The following AIMP1 variants were observed in gnomAD, a reference collection of about 807,000 sequenced individuals.
AIMP1 encodes the protein aminoacyl tRNA synthase complex-interacting multifunctional protein 1.
In AIMP1, 24 loss-of-function variants were observed where a neutral mutation model predicts 33.1. The ratio of observed to expected loss-of-function variants is 0.73; its 90% confidence interval spans 0.53 to 1.02. The LOEUF is 1.02. Ranked by LOEUF, AIMP1 falls within the 50% of genes least tolerant of loss-of-function variation. The probability of loss-of-function intolerance (pLI) is 0.00; values close to 1 mark genes in which losing one functional copy is unlikely to be tolerated. For synonymous variants in AIMP1, 120 were observed against 121.5 expected (o/e 0.99, Z 0.08); for missense variants, 367 against 364.8 (o/e 1.01, Z -0.05).
chr4:106,336,099 G>T (rs1769867280), intron 5 of AIMP1, among the ~76,000 whole-genome samples: 1 of 132,538 alleles, frequency 7.5e-6, no homozygotes, highest in African/African-American at 2.9e-5. Context: ...GAGTTCAGTG[G>T]CATAATCAAG....
chr4:106,345,218 C>T (rs1026618212), intron 6 of AIMP1, among the ~76,000 whole-genome samples: 1 of 152,208 alleles, frequency 6.6e-6, no homozygotes, highest in Non-Finnish European at 1.5e-5. Context: ...AATTTACCCA[C>T]ACAATCTATA....
Position 106,331,752 on chromosome 4 carries a change from C to T in AIMP1, c.472C>T (p.Arg158Ter), listed in dbSNP as rs755959621. The T allele has an allele frequency of 3.7e-6, 6 of 1,613,958 alleles. No homozygotes were observed. The South Asian group carries it at 5.5e-5, about 15-fold the overall frequency. The change falls in exon 5 of 7, where the codon CGA becomes TGA. Residue 158 changes from arginine to a stop codon, truncating the protein, a stop_gained. Coordinates refer to ENST00000672341, the MANE Select transcript of AIMP1 (RefSeq NM_001142416.2). LOFTEE classifies it high-confidence loss of function. ...KPIDVSRLDLRIGCIITARKH... is the reference protein window; with the variant it reads ...KPIDVSRLDL ...AATAGATGTTTCCCGTCTGGATCTT[C>T]GAATTGGTTGCATCATAACTGCTAG...
chr4:106,336,624 A>G (rs1415019453), intron 5 of AIMP1, among the ~76,000 whole-genome samples: 1 of 152,150 alleles, frequency 6.6e-6, no homozygotes, highest in Non-Finnish European at 1.5e-5. Context: ...TCATTGAGTA[A>G]ATTTTTAACT....
intron 6 of AIMP1, among the ~76,000 whole-genome samples, chr4:106,343,859 T>C (rs1183622181): frequency 1.3e-5 from 2 of 152,212 alleles, no homozygotes; most frequent in Non-Finnish European, 2.9e-5. Context: ...TTTCTATTGA[T>C]ATCGAGTCGT....
chr4:106,346,080 A>G (rs1181701654), intron 6 of AIMP1, among the ~76,000 whole-genome samples: 1 of 151,800 alleles, frequency 6.6e-6, no homozygotes, highest in Non-Finnish European at 1.5e-5. Context: ...TCGAAGTTCT[A>G]CAGCTTAAGA....
chr4:106,322,743 G>A (rs527594558), intron 1 of AIMP1, among the ~76,000 whole-genome samples: 1 of 152,104 alleles, frequency 6.6e-6, no homozygotes, highest in Non-Finnish European at 1.5e-5. Flanking sequence ...CCAGCACCTT[G>A]GGAAGCCGAG....
intron 5 of AIMP1, among the ~76,000 whole-genome samples, chr4:106,334,830 T>C (rs747426854): frequency 1.3e-5 from 2 of 152,142 alleles, no homozygotes; most frequent in Non-Finnish European, 2.9e-5. Context: ...TTTATCTGGC[T>C]GAAGAGCATT....
chr4:106,316,440 A>G, upstream of AIMP1: 1 of 1,114,118 alleles, frequency 9.0e-7, no homozygotes, highest in Non-Finnish European at 1.3e-6. Flanking sequence ...GAGCACAGGA[A>G]GAGGAAGAAA....
At position 106,347,956 on chromosome 4, in the gene AIMP1, G is replaced by T. The variant is rs1473006168; in HGVS notation, c.*264G>T. ...TTTTTAGCAGGAATATTGATTAGCA[G>T]CTTTTTTTTCTTTATACACATAGAT... On this transcript the variant is annotated 3_prime_UTR_variant, in exon 7 of 7. Transcript: ENST00000672341. 2 of 292,126 alleles carry T rather than the reference G, an allele frequency of 6.8e-6. No homozygotes were observed. Among genetic ancestry groups the T allele is most frequent in the Non-Finnish European group, 1.3e-5 (2 of 155,014 alleles). 18.1% of individuals were successfully genotyped at this position (292,126 alleles called of 1,614,324 possible).
chr4:106,334,389 C>T (rs910057895), intron 5 of AIMP1, among the ~76,000 whole-genome samples: 3 of 151,382 alleles, frequency 2.0e-5, no homozygotes, highest in Admixed American at 6.6e-5. Context: ...CTCAGCCTGC[C>T]GAGTAGCCAG....
At chr4:106,335,671 G>A (rs910243183) in intron 5 of AIMP1, among the ~76,000 whole-genome samples, 2 of 152,028 alleles carry the variant, frequency 1.3e-5, no homozygotes, top group African/African-American at 4.8e-5. Flanking sequence ...TGAAGCATTC[G>A]AAGAGAAATA....
chr4:106,319,628 A>G (rs974163828), intron 1 of AIMP1, among the ~76,000 whole-genome samples: 3 of 152,178 alleles, frequency 2.0e-5, no homozygotes, highest in Admixed American at 6.5e-5. Context: ...CACAATTAAC[A>G]TACTTGGTCT....
At chr4:106,325,390 T>G (rs1425818735) in intron 2 of AIMP1, among the ~76,000 whole-genome samples, 2 of 151,988 alleles carry the variant, frequency 1.3e-5, no homozygotes, top group East Asian at 3.8e-4. Context: ...TTTCCTACGT[T>G]TTGTAAGCTA....
chr4:106,320,099 A>G (rs537970877), intron 1 of AIMP1, among the ~76,000 whole-genome samples: 59 of 152,330 alleles, frequency 3.9e-4, no homozygotes, highest in African/African-American at 1.3e-3. Context: ...ATTATCATCT[A>G]TGAGAAACTT....
At chr4:106,327,162 G>T (rs1183813309) in intron 2 of AIMP1, among the ~76,000 whole-genome samples, 1 of 152,140 alleles carries the variant, frequency 6.6e-6, no homozygotes, top group African/African-American at 2.4e-5. Flanking sequence ...TGAAAAGGTG[G>T]TAATTTGATC....
upstream of AIMP1, chr4:106,316,526 G>C (rs1768899118): frequency 6.4e-7 from 1 of 1,551,580 alleles, no homozygotes; most frequent in Non-Finnish European, 8.7e-7. Flanking sequence ...CACTGCTATA[G>C]TACGCGGGTG....
chr4:106,337,227 C>A (rs1450531182), intron 6 of AIMP1, among the ~76,000 whole-genome samples, 190 bp downstream of exon 6: 2 of 152,132 alleles, frequency 1.3e-5, no homozygotes, highest in African/African-American at 4.8e-5. Context: ...TAATCATTCT[C>A]CTCCCCATGA....
At chr4:106,324,377 T>C (rs1366859455) in intron 1 of AIMP1, among the ~76,000 whole-genome samples, 3 of 152,126 alleles carry the variant, frequency 2.0e-5, no homozygotes, top group Admixed American at 2.0e-4. Context: ...TTCTGTACCT[T>C]GATAGTATTT....
At chr4:106,319,141 T>G (rs1485838110) in intron 1 of AIMP1, among the ~76,000 whole-genome samples, 4 of 152,206 alleles carry the variant, frequency 2.6e-5, no homozygotes, top group South Asian at 4.1e-4. Context: ...CGTTCCTATA[T>G]AGCATAAGAA....
Sources: gnomAD v4.1 joint callset for allele counts (sites outside exome capture counted in the v4.1 genomes callset) on GRCh38, gnomAD v4.1.1 for gene constraint, MANE v1.5 for transcripts, NCBI Gene and HGNC (gene_info 2026-07-23, HGNC 2026-07-21) for gene names.